CLEC3A: variants seen among roughly 807,000 people sequenced by gnomAD.
The protein encoded by CLEC3A is C-type (calcium dependent, carbohydrate-recognition domain) lectin, superfamily member 1 (cartilage-derived).
CLEC3A carries 28 observed loss-of-function variants against 20.4 expected under a neutral mutation model. That is an observed-to-expected ratio of 1.37 (90% CI 1.02 to 1.88). CLEC3A has a LOEUF of 1.88. Ranked by LOEUF, CLEC3A falls within the 40% of genes most tolerant of loss-of-function variation. The pLI is 0.00. For synonymous variants in CLEC3A, 110 were observed against 88.1 expected (o/e 1.25, Z -1.39); for missense variants, 357 against 240.4 (o/e 1.48, Z -3.21).
chr16:78,024,052 C>T (rs150715370), intron 1 of CLEC3A, among the ~76,000 whole-genome samples: 3,082 of 152,114 alleles, frequency 0.02, 36 homozygotes, highest in Middle Eastern at 0.034. Flanking sequence ...CCACCGCGCC[C>T]GGCTAGTGCA....
chr16:78,030,382 G>T, intron 2 of CLEC3A, 65 bp from the exon 3 acceptor site: 1 of 1,403,780 alleles, frequency 7.1e-7, no homozygotes, highest in East Asian at 2.3e-5. Flanking sequence ...CTATTTGCCA[G>T]GTCCAGCCCT....
At position 78,028,116 on chromosome 16, in the gene CLEC3A, G is replaced by C; in HGVS notation, c.125G>C (p.Gly42Ala). The C allele has an allele frequency of 1.2e-6, 2 of 1,608,934 alleles. No individual in the cohort carries two copies. The highest frequency in any genetic ancestry group is 1.7e-6 in the Non-Finnish European group (2 of 1,178,838). Residue 42 changes from glycine (G) to alanine (A), a missense_variant, in exon 2 of 3, where the codon GGA becomes GCA. Gly to Ala is a moderately conservative substitution (Grantham distance 60). Transcript: ENST00000299642. The stretch of plus-strand genomic sequence containing the variant: ...CTAAAATTTTCCCCAGACAAGGATG[G>C]AGATCTGAAGACTCAAATTGAAAAG... ...HSKRRVRDKD[G>A]DLKTQIEKLW... is the part of the protein sequence containing the mutation.
rs771881517 is a variant in CLEC3A, at chr16:78,030,508, T to A, written c.261T>A (p.His87Gln). Reference protein sequence around the residue: ...KCYLASEGLKHFHEANEDCIS... With the variant: ...KCYLASEGLKQFHEANEDCIS... ...ACCTTGCTTCAGAAGGTTTGAAGCA[T>A]TTCCATGAGGCCAATGAAGACTGCA... The change falls in exon 3 of 3, where the codon CAT becomes CAA. Residue 87 changes from histidine to glutamine, a missense_variant. Transcript: ENST00000299642. 83 of 1,613,786 alleles carry A rather than the reference T, an allele frequency of 5.1e-5. No individual in the cohort carries two copies. Among genetic ancestry groups the A allele is most frequent in the Non-Finnish European group, 6.9e-5 (82 of 1,179,930 alleles).
At position 78,022,611 on chromosome 16, in the gene CLEC3A, G is replaced by A. The variant is rs2018764208; in HGVS notation, c.-16G>A. On this transcript the variant is annotated 5_prime_UTR_variant, in exon 1 of 3. Coordinates refer to ENST00000299642, the MANE Select transcript of CLEC3A (RefSeq NM_005752.6). Reference sequence around the variant, plus strand: ...AGGGGGCTGGCAACATGGCTCAGCAGGCTTGCCCCAGAGCCATGGCAAAGA... The same window carrying A: ...AGGGGGCTGGCAACATGGCTCAGCAAGCTTGCCCCAGAGCCATGGCAAAGA... 5 of 1,613,666 alleles carry A rather than the reference G, an allele frequency of 3.1e-6. No homozygotes were observed. The highest frequency in any genetic ancestry group is 4.2e-6 in the Non-Finnish European group (5 of 1,179,830).
In CLEC3A at chr16:78,030,906, T is replaced by A. The variant is rs113389765; in HGVS notation, c.*65T>A. The A allele has an allele frequency of 6.1e-5, 91 of 1,482,996 alleles. 3 individuals are homozygous for A. Among genetic ancestry groups the A allele is most frequent in the African/African-American group, 5.9e-4 (42 of 70,964 alleles). 91.9% of individuals were successfully genotyped at this position (1,482,996 alleles called of 1,614,324 possible). A position where few individuals can be genotyped will look rare whatever the true frequency, so the allele number is the denominator to read the frequency against. On this transcript the variant is annotated 3_prime_UTR_variant, in exon 3 of 3. Coordinates refer to ENST00000299642, the MANE Select transcript of CLEC3A (RefSeq NM_005752.6). Reference sequence around the variant, plus strand: ...ACTTATAGGTTCATGATCTCTAAGATCAAGTAAAAATCATAATTTTTACTT... The same window carrying A: ...ACTTATAGGTTCATGATCTCTAAGAACAAGTAAAAATCATAATTTTTACTT...
At chr16:78,027,217 G>A (rs1344047011) in intron 1 of CLEC3A, among the ~76,000 whole-genome samples, 1 of 152,012 alleles carries the variant, frequency 6.6e-6, no homozygotes, top group Non-Finnish European at 1.5e-5. Context: ...ATGAAATAAA[G>A]TAAAATAGAG....
rs2030102600 is a variant in CLEC3A, at chr16:78,031,383, T to C, written c.*542T>C. 6.6e-6 allele frequency: 1 copy of C among 152,354 alleles called. No homozygotes were observed. Among genetic ancestry groups the C allele is most frequent in the African/African-American group, 2.4e-5 (1 of 41,454 alleles). The allele number at this position is 152,354 out of a possible 1,614,324, so 9.4% of individuals were successfully genotyped here. A position where few individuals can be genotyped will look rare whatever the true frequency, so the allele number is the denominator to read the frequency against. ...TTGCTCCATCTCCTGGTGGGACTTG[T>C]ATCTTGTCTGCCATATCAGAACACA... On this transcript the variant is annotated 3_prime_UTR_variant, in exon 3 of 3. Coordinates refer to ENST00000299642, the MANE Select transcript of CLEC3A (RefSeq NM_005752.6).
chr16:78,026,033 G>A (rs1461220923), intron 1 of CLEC3A, among the ~76,000 whole-genome samples: 1 of 152,106 alleles, frequency 6.6e-6, no homozygotes, highest in Non-Finnish European at 1.5e-5. Flanking sequence ...TTGCAAGCCC[G>A]GCCCCCACCA....
chr16:78,029,793 T>G (rs1414847581), intron 2 of CLEC3A, among the ~76,000 whole-genome samples: 2 of 152,062 alleles, frequency 1.3e-5, no homozygotes, highest in African/African-American at 4.8e-5. Flanking sequence ...TTTAAGGCCA[T>G]GTCTTGGGAT....
rs371212110 is a variant in CLEC3A, at chr16:78,028,084, T to A, written c.116-23T>A. 4 of 1,551,030 alleles carry A rather than the reference T, an allele frequency of 2.6e-6. No individual in the cohort carries two copies. The African/African-American group carries it at 5.5e-5, about 21-fold the overall frequency. On this transcript the variant is annotated intron_variant, in intron 1 of 2. Transcript: ENST00000299642. The stretch of plus-strand genomic sequence containing the variant: ...ATACGCTTTTCATCCACCTACCCCA[T>A]CCCACCCTAAAATTTTCCCCAGACA...
Position 78,030,707 on chromosome 16 carries a change from T to A in CLEC3A, c.460T>A (p.Trp154Arg). 6.2e-7 allele frequency: 1 copy of A among 1,614,146 alleles called. No individual in the cohort carries two copies. Among genetic ancestry groups the A allele is most frequent in the Non-Finnish European group, 8.5e-7 (1 of 1,180,034 alleles). Residue 154 changes from tryptophan (W) to arginine (R), a missense_variant, in exon 3 of 3, where the codon TGG (tryptophan) becomes AGG (arginine). Trp to Arg is a moderately radical substitution (Grantham distance 101, BLOSUM62 -3). Transcript: ENST00000299642. ...CGGAATCGCTATCTCCTTCCTCAAC[T>A]GGGACCGTGCACAGCCTAACGGTGG... ...VNGIAISFLN[W>R]DRAQPNGGKR...
rs138430493 is a variant in CLEC3A at position 78,028,189 on chromosome 16, A to G, written c.198A>G (p.Thr66=). 6.5e-5 allele frequency: 104 copies of G among 1,606,518 alleles called. No homozygotes were observed. Among genetic ancestry groups the G allele is most frequent in the Non-Finnish European group, 7.5e-5 (88 of 1,177,882 alleles). ...NALKEIQALQ[T]VCLRGTKVHK... Reference sequence around the variant, plus strand: ...TGAAGGAAATTCAAGCCCTGCAGACAGGTAAGGTGCAGACCTTCTCAGTGC... The same window carrying G: ...TGAAGGAAATTCAAGCCCTGCAGACGGGTAAGGTGCAGACCTTCTCAGTGC... Residue 66 remains threonine, a splice_region_variant and synonymous_variant, in exon 2 of 3, where the codon ACA becomes ACG. Coordinates refer to ENST00000299642, the MANE Select transcript of CLEC3A (RefSeq NM_005752.6).
intron 2 of CLEC3A, among the ~76,000 whole-genome samples, chr16:78,029,646 G>T (rs2030026957): frequency 6.6e-6 from 1 of 151,920 alleles, no homozygotes; most frequent in Admixed American, 6.6e-5. Flanking sequence ...GGGATTATAA[G>T]TGTGAGCCAC....
chr16:78,023,852 G>A (rs929973091), intron 1 of CLEC3A, among the ~76,000 whole-genome samples: 2 of 151,644 alleles, frequency 1.3e-5, no homozygotes, highest in Admixed American at 1.3e-4. Context: ...CCACCTCCTG[G>A]GTTCACGCCA....
chr16:78,023,568 G>C (rs2018775958), intron 1 of CLEC3A, among the ~76,000 whole-genome samples: 1 of 152,132 alleles, frequency 6.6e-6, no homozygotes, highest in Admixed American at 6.5e-5. Flanking sequence ...GGATATTTCA[G>C]ATTATGACTA....
At chr16:78,028,470 G>T (rs1011856936) in intron 2 of CLEC3A, among the ~76,000 whole-genome samples, 1 of 152,202 alleles carries the variant, frequency 6.6e-6, no homozygotes, top group African/African-American at 2.4e-5. Flanking sequence ...ACAGAATGAA[G>T]CCAGTATGAA....
chr16:78,025,971 G>T (rs1486207552), intron 1 of CLEC3A, among the ~76,000 whole-genome samples: 2 of 152,166 alleles, frequency 1.3e-5, no homozygotes, highest in East Asian at 1.9e-4. Context: ...GATGGGGGAT[G>T]ACATTTTTAG....
intron 1 of CLEC3A, 110 bp downstream of exon 1, chr16:78,022,851 C>G: frequency 6.4e-6 from 7 of 1,090,388 alleles, no homozygotes; most frequent in Non-Finnish European, 9.2e-6. Context: ...GTGATGGCAC[C>G]ATGCCATCAT....
rs1205387445 is a variant in CLEC3A at position 78,031,152 on chromosome 16, A to G, written c.*311A>G. Reference sequence around the variant, plus strand: ...ACCCAGTTTGTTTTCAAAAAATCACAGTAGCAATGCAACTCATCACTCTAG... The same window carrying G: ...ACCCAGTTTGTTTTCAAAAAATCACGGTAGCAATGCAACTCATCACTCTAG... On this transcript the variant is annotated 3_prime_UTR_variant, in exon 3 of 3. Coordinates refer to ENST00000299642, the MANE Select transcript of CLEC3A (RefSeq NM_005752.6). The G allele has an allele frequency of 1.7e-5, 4 of 237,970 alleles. No individual in the cohort carries two copies. The highest frequency in any genetic ancestry group is 3.2e-5 in the Non-Finnish European group (4 of 124,222). 14.7% of individuals were successfully genotyped at this position (237,970 alleles called of 1,614,324 possible).
Sources: gnomAD v4.1 joint callset for allele counts (sites outside exome capture counted in the v4.1 genomes callset) on GRCh38, gnomAD v4.1.1 for gene constraint, MANE v1.5 for transcripts, NCBI Gene and HGNC (gene_info 2026-07-23, HGNC 2026-07-21) for gene names.